Variants in TCF12 observed in about 807,000 individuals in gnomAD.
The protein encoded by TCF12 is DNA-binding protein HTF4.
A neutral mutation model predicts 86.0 loss-of-function variants in TCF12; 45 were observed. The ratio of observed to expected loss-of-function variants is 0.52; its 90% confidence interval spans 0.41 to 0.67. The LOEUF is 0.67. Ranked by LOEUF, TCF12 falls within the 30% of genes least tolerant of loss-of-function variation. The pLI is 0.00. For missense variants in TCF12, 881 were observed against 859.9 expected, an observed-to-expected ratio of 1.02 and a Z score of -0.31; for synonymous variants, 330 against 299.6, an observed-to-expected ratio of 1.10 and a Z score of -1.05.
At chr15:57,064,873 C>A (rs569151944) in intron 4 of TCF12, among the ~76,000 whole-genome samples, 1 of 149,732 alleles carries the variant, frequency 6.7e-6, no homozygotes, top group Non-Finnish European at 1.5e-5. Context: ...TTTCTCATTT[C>A]TCTCAGAATT....
intron 3 of TCF12, among the ~76,000 whole-genome samples, chr15:57,044,652 A>T (rs1328224438): frequency 1.3e-5 from 2 of 150,294 alleles, no homozygotes; most frequent in African/African-American, 2.5e-5. Context: ...AATTTTATGG[A>T]TCTTTTCTTT....
chr15:57,030,982 T>C (rs1291040433), intron 3 of TCF12, among the ~76,000 whole-genome samples: 1 of 152,238 alleles, frequency 6.6e-6, no homozygotes, highest in Non-Finnish European at 1.5e-5. Context: ...ATATAGTTGA[T>C]GCCAACCACT....
At chr15:56,925,573 G>C (rs1012819961) in intron 3 of TCF12, among the ~76,000 whole-genome samples, 14 of 152,106 alleles carry the variant, frequency 9.2e-5, no homozygotes, top group Non-Finnish European at 2.9e-5. Context: ...AGTCTTTTCT[G>C]CTCTTAAACA....
chr15:57,124,422 A>G (rs1446709393), intron 5 of TCF12, among the ~76,000 whole-genome samples: 1 of 152,164 alleles, frequency 6.6e-6, no homozygotes, highest in Non-Finnish European at 1.5e-5. Context: ...CATCCCCTGT[A>G]GAATTCTGGG....
chr15:56,992,999 A>C (rs1353543055), intron 3 of TCF12, among the ~76,000 whole-genome samples: 1 of 152,174 alleles, frequency 6.6e-6, no homozygotes, highest in Non-Finnish European at 1.5e-5. Context: ...AAATGGATGG[A>C]ACTCTTCTGG....
intron 6 of TCF12, among the ~76,000 whole-genome samples, chr15:57,168,629 A>G (rs552076375): frequency 6.6e-6 from 1 of 152,280 alleles, no homozygotes; most frequent in East Asian, 1.9e-4. Context: ...TTCATAAATG[A>G]CTTGGATTGG....
intron 18 of TCF12, among the ~76,000 whole-genome samples, chr15:57,270,029 T>C (rs964702823): frequency 3.3e-5 from 5 of 152,226 alleles, no homozygotes; most frequent in African/African-American, 9.6e-5. Context: ...CTGACAGTTA[T>C]GTGTCTTGGA....
intron 3 of TCF12, among the ~76,000 whole-genome samples, chr15:56,924,378 C>T (rs1054361415): frequency 6.6e-6 from 1 of 152,144 alleles, no homozygotes; most frequent in Non-Finnish European, 1.5e-5. Context: ...TGCCTTCTTT[C>T]TCTGTTAAAC....
At chr15:57,044,034 T>G (rs1321631263) in intron 3 of TCF12, among the ~76,000 whole-genome samples, 14 of 152,110 alleles carry the variant, frequency 9.2e-5, no homozygotes, top group African/African-American at 3.4e-4. Flanking sequence ...GAAAAAGTAG[T>G]ACAGTTTTTA....
intron 8 of TCF12, among the ~76,000 whole-genome samples, chr15:57,224,897 A>G (rs1445244436): frequency 1.3e-5 from 2 of 152,168 alleles, no homozygotes; most frequent in Non-Finnish European, 2.9e-5. Flanking sequence ...TACTGGAACT[A>G]TCTAAATATT....
chr15:57,006,994 AACT>A (rs1368716077), intron 3 of TCF12, among the ~76,000 whole-genome samples: 1 of 152,214 alleles, frequency 6.6e-6, no homozygotes, highest in Non-Finnish European at 1.5e-5. Flanking sequence ...GCACCATGTT[AACT>A]AGATTTTTTT....
rs537121238 is a variant in TCF12 at position 56,938,549 on chromosome 15, T to G, written c.148+17451T>G. Among the ~76,000 whole-genome samples, 7 of 152,296 alleles carry G rather than the reference T, an allele frequency of 4.6e-5. No homozygotes were observed. The South Asian group carries it at 1.5e-3, about 32-fold the overall frequency. ...AATGATTTAGGGAGGATTCCCTCTT[T>G]CTCTGTCTTATGGAATAGTGTGAAT... On this transcript the variant is annotated intron_variant, in intron 3 of 20. Transcript: ENST00000333725.
At chr15:56,949,546 G>A (rs1408795221) in intron 3 of TCF12, among the ~76,000 whole-genome samples, 2 of 152,172 alleles carry the variant, frequency 1.3e-5, no homozygotes, top group African/African-American at 4.8e-5. Context: ...AATTGTCATG[G>A]TGTTTCTTGG....
At chr15:56,974,144 GTTAAGTT>G (rs1450585562) in intron 3 of TCF12, among the ~76,000 whole-genome samples, 2 of 152,044 alleles carry the variant, frequency 1.3e-5, no homozygotes, top group Non-Finnish European at 2.9e-5. Context: ...TTGTTTTGGT[GTTAAGTT>G]TTAAGTTTCC....
At chr15:57,099,251 C>A (rs1596519877) in intron 5 of TCF12, among the ~76,000 whole-genome samples, 1 of 152,092 alleles carries the variant, frequency 6.6e-6, no homozygotes, top group South Asian at 2.1e-4. Flanking sequence ...CAGAGATGAC[C>A]TGAAGGCTTC....
At chr15:57,216,577 A>T (rs1473948294) in intron 8 of TCF12, among the ~76,000 whole-genome samples, 1 of 151,812 alleles carries the variant, frequency 6.6e-6, no homozygotes, top group Non-Finnish European at 1.5e-5. Context: ...AAAAAAAAAA[A>T]AAAAAGCAAA....
intron 3 of TCF12, among the ~76,000 whole-genome samples, chr15:57,011,398 A>G (rs1471890965): frequency 4.0e-5 from 6 of 151,312 alleles, no homozygotes; most frequent in African/African-American, 1.5e-4. Flanking sequence ...TTTTCCTTCT[A>G]TCATGATTGT....
At chr15:57,282,851 A>G (rs1381977563) in intron 20 of TCF12, among the ~76,000 whole-genome samples, 2 of 152,228 alleles carry the variant, frequency 1.3e-5, no homozygotes, top group Non-Finnish European at 2.9e-5. Context: ...CGGAGTCATC[A>G]TGTGTACTCT....
chr15:56,982,776 A>G (rs1335024910), intron 3 of TCF12, among the ~76,000 whole-genome samples: 1 of 152,224 alleles, frequency 6.6e-6, no homozygotes, highest in Non-Finnish European at 1.5e-5. Context: ...TCTGCAAGAG[A>G]AACAGTTGCT....
Sources: gnomAD v4.1 joint callset for allele counts (sites outside exome capture counted in the v4.1 genomes callset) on GRCh38, gnomAD v4.1.1 for gene constraint, MANE v1.5 for transcripts, NCBI Gene and HGNC (gene_info 2026-07-23, HGNC 2026-07-21) for gene names.